Variants in NT5DC4 observed in about 807,000 individuals in gnomAD.
NT5DC4 encodes 5'-nucleotidase domain-containing protein 4.
A neutral mutation model predicts 26.6 loss-of-function variants in NT5DC4; 44 were observed. That is an observed-to-expected ratio of 1.65 (90% confidence interval 1.30 to 2.13). NT5DC4 has a LOEUF of 2.13. Ranked by LOEUF, NT5DC4 falls within the 30% of genes most tolerant of loss-of-function variation. The pLI, the probability that NT5DC4 is intolerant of heterozygous loss-of-function variation, is 0.00. For synonymous variants in NT5DC4, 157 were observed against 86.7 expected (o/e 1.81, Z -4.51); for missense variants, 399 against 228.1 (o/e 1.75, Z -4.83).
At chr2:112,721,554 C>T (rs1467570074) in intron 1 of NT5DC4, 5 of 717,712 alleles carry the variant, frequency 7.0e-6, no homozygotes, top group Non-Finnish European at 1.3e-5. Context: ...CATGGTGGGA[C>T]AGCAAGCGGC....
downstream of NT5DC4, chr2:112,742,353 G>A (rs949337049): frequency 1.3e-5 from 9 of 716,894 alleles, 1 homozygote; most frequent in African/African-American, 1.0e-4. Flanking sequence ...AGATGAGTAT[G>A]TTGGTGGGTT....
chr2:112,725,369 C>T lies in NT5DC4; in HGVS notation c.983-13C>T, dbSNP rs1235817169. ...AGGGCAAACGAGTGTCTGTCCTCCC[C>T]TTGGTGGGGCAGGCTCTTCGGACAT... On this transcript the variant is annotated splice_polypyrimidine_tract_variant and intron_variant, in intron 12 of 16. Transcript: ENST00000688554. The T allele has an allele frequency of 1.4e-6, 1 of 697,520 alleles. No homozygotes were observed. Among genetic ancestry groups the T allele is most frequent in the Admixed American group, 2.0e-5 (1 of 49,512 alleles). The allele number at this position is 697,520 out of a possible 1,614,324, so 43.2% of individuals were successfully genotyped here.
intron 1 of NT5DC4, chr2:112,721,356 C>T (rs1676844485): frequency 1.5e-6 from 1 of 658,334 alleles, no homozygotes; most frequent in Middle Eastern, 3.3e-4. Context: ...GCGGGAGGTC[C>T]TCTTCACTTC....
downstream of NT5DC4, chr2:112,739,100 CTT>C: frequency 7.4e-7 from 1 of 1,359,882 alleles, no homozygotes; most frequent in Admixed American, 1.9e-5. Flanking sequence ...AAAAAATTAT[CTT>C]TATTATTTTT....
chr2:112,723,291 G>A, intron 7 of NT5DC4, 117 bp downstream of exon 7: 2 of 706,692 alleles, frequency 2.8e-6, no homozygotes, highest in Non-Finnish European at 2.6e-6. Context: ...GAGGACTGAG[G>A]TCTGGTCTGG....
At chr2:112,741,914 C>A (rs1337895962), downstream of NT5DC4, among the ~76,000 whole-genome samples, 1 of 151,002 alleles carries the variant, frequency 6.6e-6, no homozygotes, top group Non-Finnish European at 1.5e-5. Context: ...GCACGCACCA[C>A]CACAACTGGC....
At chr2:112,741,328 C>T (rs1574319060), downstream of NT5DC4, among the ~76,000 whole-genome samples, 1 of 152,248 alleles carries the variant, frequency 6.6e-6, no homozygotes, top group Non-Finnish European at 1.5e-5. Flanking sequence ...AGGGACTAAT[C>T]ACTGGCCTTC....
intron 10 of NT5DC4, 189 bp from the exon 11 acceptor site, chr2:112,724,592 C>T (rs1407646184): frequency 5.0e-6 from 3 of 601,234 alleles, no homozygotes; most frequent in Non-Finnish European, 8.9e-6. Flanking sequence ...TCCACAAGGT[C>T]CTTTTGAGCA....
chr2:112,724,542 G>C, intron 10 of NT5DC4: 1 of 584,502 alleles, frequency 1.7e-6, no homozygotes, highest in Non-Finnish European at 3.1e-6. Context: ...AGGAGCTCTG[G>C]AGCCTGGCCT....
At chr2:112,719,986 CT>C (rs1458207443), upstream of NT5DC4, among the ~76,000 whole-genome samples, 423 of 75,000 alleles carry the variant, frequency 5.6e-3, 2 homozygotes, top group Middle Eastern at 0.015. Context: ...TTCTTTCTTT[CT>C]TTTTCTTTTC....
chr2:112,722,452 G>T lies in NT5DC4; in HGVS notation c.363-31G>T, dbSNP rs892219058. 31 of 716,862 alleles carry T rather than the reference G, an allele frequency of 4.3e-5. No individual in the cohort carries two copies. In the African/African-American group the frequency reaches 4.9e-4, roughly 11 times the overall value. 44.4% of individuals were successfully genotyped at this position (716,862 alleles called of 1,614,324 possible). On this transcript the variant is annotated intron_variant, in intron 4 of 16. Transcript: ENST00000688554. ...CAGAGCCTGGACAGGCCTCCAGGAGGCACTGGGGAGGGGTCATTGGCTGCA... is the reference window on the plus strand; with the variant it reads ...CAGAGCCTGGACAGGCCTCCAGGAGTCACTGGGGAGGGGTCATTGGCTGCA...
intron 9 of NT5DC4, 66 bp downstream of exon 9, chr2:112,723,868 T>G (rs878855602): frequency 2.9e-6 from 2 of 679,716 alleles, no homozygotes; most frequent in South Asian, 3.1e-5. Context: ...ACAGTGGCAC[T>G]GCAAGCAACA....
chr2:112,719,801 C>T (rs1295546122), upstream of NT5DC4, among the ~76,000 whole-genome samples: 1 of 150,446 alleles, frequency 6.6e-6, no homozygotes, highest in Non-Finnish European at 1.5e-5. Flanking sequence ...TTCTTCCTTT[C>T]CTTTTCTTCA....
chr2:112,734,582 A>G (rs1574286702), intron 16 of NT5DC4, among the ~76,000 whole-genome samples: 1 of 152,316 alleles, frequency 6.6e-6, no homozygotes, highest in African/African-American at 2.4e-5. Context: ...GGCCAGGGAG[A>G]TGCCAAGTTT....
At chr2:112,730,472 C>T (rs1285303522) in intron 16 of NT5DC4, among the ~76,000 whole-genome samples, 2 of 152,188 alleles carry the variant, frequency 1.3e-5, no homozygotes, top group Non-Finnish European at 2.9e-5. Flanking sequence ...GTGCCCTCTT[C>T]CACATTGAGG....
upstream of NT5DC4, among the ~76,000 whole-genome samples, chr2:112,719,924 C>CTTTCTTTCTTTCTCTT (rs758520099): frequency 2.6e-3 from 179 of 69,112 alleles, no homozygotes; most frequent in Middle Eastern, 6.6e-3. Context: ...TTCTTTCTTT[C>CTTTCTTTCTTTCTCTT]TCTTTCTTTC....
downstream of NT5DC4, chr2:112,742,359 G>T: frequency 9.8e-6 from 7 of 716,814 alleles, no homozygotes; most frequent in Non-Finnish European, 1.6e-5. Context: ...GTATGTTGGT[G>T]GGTTTATTAT....
intron 16 of NT5DC4, chr2:112,736,757 A>G (rs1024922757): frequency 1.3e-5 from 2 of 152,216 alleles, no homozygotes; most frequent in South Asian, 2.1e-4. Context: ...TGTTGTGGCA[A>G]ATGGCAAGAA....
At position 112,723,413 on chromosome 2, in the gene NT5DC4, T is replaced by C. The variant is rs1258037023; in HGVS notation, c.622-5T>C. ...CACACACAGGCACTTTGCTCCCTCC[T>C]GCAGGGCTGTCTCAAGAAGACCCTG... is the stretch of plus-strand genomic sequence containing the variant. On this transcript the variant is annotated splice_polypyrimidine_tract_variant and splice_region_variant and intron_variant, in intron 7 of 16. Transcript: ENST00000688554. 1 of 681,580 alleles carries C rather than the reference T, an allele frequency of 1.5e-6. No individual in the cohort carries two copies. The allele number at this position is 681,580 out of a possible 1,614,324, so 42.2% of individuals were successfully genotyped here. A position where few individuals can be genotyped will look rare whatever the true frequency, so the allele number is the denominator to read the frequency against.
Sources: allele counts gnomAD v4.1 joint callset (sites outside exome capture counted in the v4.1 genomes callset), GRCh38; gene constraint gnomAD v4.1.1; transcripts MANE v1.5; gene names NCBI Gene and HGNC (gene_info 2026-07-23, HGNC 2026-07-21).